Variants in LIN37 observed in about 807,000 individuals in gnomAD.
LIN37 encodes lin-37 DREAM MuvB core complex component.
LIN37 carries 21 observed loss-of-function variants against 38.0 expected under a neutral mutation model. That is an observed-to-expected ratio of 0.55 (90% CI 0.39 to 0.80). The LOEUF (loss-of-function observed/expected upper bound fraction) is 0.80, where lower values mean the gene tolerates loss of function less well. Ranked by LOEUF, LIN37 falls within the 30% of genes least tolerant of loss-of-function variation. The probability of loss-of-function intolerance (pLI) is 0.00; values close to 1 mark genes in which losing one functional copy is unlikely to be tolerated. For synonymous variants in LIN37, 126 were observed against 122.9 expected, an observed-to-expected ratio of 1.03 and a Z score of -0.17; for missense variants, 273 against 338.5, an observed-to-expected ratio of 0.81 and a Z score of 1.52.
At chr19:35,749,877 G>A (rs1970658488) in intron 1 of LIN37, among the ~76,000 whole-genome samples, 1 of 152,136 alleles carries the variant, frequency 6.6e-6, no homozygotes, top group Non-Finnish European at 1.5e-5. Flanking sequence ...AAATGATGGT[G>A]AGGGAAGGTG....
At chr19:35,751,648 G>A (rs1480965107) in intron 1 of LIN37, among the ~76,000 whole-genome samples, 1 of 151,804 alleles carries the variant, frequency 6.6e-6, no homozygotes, top group African/African-American at 2.4e-5. Context: ...GGACAACATC[G>A]TGATATCCTT....
chr19:35,754,361 GCAA>G, intron 8 of LIN37, 29 bp from the exon 9 acceptor site: 2 of 1,613,966 alleles, frequency 1.2e-6, no homozygotes, highest in Non-Finnish European at 1.7e-6. Context: ...AGGGCCCTTT[GCAA>G]CTGCTGAGTC....
intron 1 of LIN37, among the ~76,000 whole-genome samples, chr19:35,750,540 G>A (rs1970666848): frequency 6.6e-6 from 1 of 152,200 alleles, no homozygotes; most frequent in African/African-American, 2.4e-5. Flanking sequence ...GGAGGACAGC[G>A]TAACATCATC....
rs746490365 is a variant in LIN37, at chr19:35,752,236, A to G, written c.95A>G (p.Lys32Arg). ...GCTGTCTTGCAGTGTCTGCTGGAGA[A>G]GAGTCACATGGACAGGTAGGCCAGC... Reference protein sequence around the residue: ...LDAVLQCLLEKSHMDRERLDE... With the variant: ...LDAVLQCLLERSHMDRERLDE... The change falls in exon 2 of 9, where the codon AAG (lysine) becomes AGG (arginine). Residue 32 changes from lysine (K) to arginine (R), a missense_variant. Transcript: ENST00000301159. The G allele has an allele frequency of 6.2e-7, 1 of 1,607,088 alleles. No homozygotes were observed. Among genetic ancestry groups the G allele is most frequent in the Non-Finnish European group, 8.5e-7 (1 of 1,176,864 alleles).
At chr19:35,752,581 C>T (rs940267013) in intron 3 of LIN37, 97 bp downstream of exon 3, 10 of 1,383,826 alleles carry the variant, frequency 7.2e-6, no homozygotes, top group African/African-American at 1.4e-5. Context: ...CTACCTCCAT[C>T]GTGGCCCGGA....
chr19:35,748,952 A>G, intron 1 of LIN37, 194 bp downstream of exon 1: 1 of 1,463,576 alleles, frequency 6.8e-7, no homozygotes, highest in Admixed American at 2.2e-5. Flanking sequence ...TCGCTTTGAG[A>G]TTGAATGGGG....
At chr19:35,752,361 T>G (rs1002795221) in intron 2 of LIN37, 73 bp from the exon 3 acceptor site, 2 of 1,588,144 alleles carry the variant, frequency 1.3e-6, no homozygotes, top group Non-Finnish European at 1.7e-6. Context: ...AGGTGCTTAA[T>G]GGGGAGGCTG....
At chr19:35,753,593 G>A in intron 6 of LIN37, 1 of 509,284 alleles carries the variant, frequency 2.0e-6, no homozygotes, top group Admixed American at 3.2e-5. Flanking sequence ...AGGAGCAGGG[G>A]CTGGGCAGGA....
At chr19:35,752,678 A>G in intron 3 of LIN37, 126 bp from the exon 4 acceptor site, 1 of 1,385,792 alleles carries the variant, frequency 7.2e-7, no homozygotes. Flanking sequence ...TATGGGTGGG[A>G]CAAAAGGCCC....
intron 1 of LIN37, among the ~76,000 whole-genome samples, chr19:35,750,691 G>T (rs531936500): frequency 6.4e-5 from 4 of 62,316 alleles, no homozygotes; most frequent in African/African-American, 2.9e-4. Context: ...GGCTGGGTGC[G>T]GTGGCTTCTG....
chr19:35,748,786 C>G, intron 1 of LIN37, 28 bp downstream of exon 1: 1 of 1,613,544 alleles, frequency 6.2e-7, no homozygotes. Flanking sequence ...GGGGGCCTGT[C>G]GGGACCATCG....
At position 35,753,166 on chromosome 19, in the gene LIN37, C is replaced by T. The variant is rs1970704492; in HGVS notation, c.357C>T (p.Cys119=). 1.3e-6 allele frequency: 2 copies of T among 1,591,784 alleles called. No individual in the cohort carries two copies. ...AGAACACGCCACTGTACCCAATCTG[C>T]CGCGCCTGGATGCGCAACAGCCCCT... ...FSENTPLYPI[C]RAWMRNSPSV... Residue 119 remains cysteine, a synonymous_variant, in exon 6 of 9, where the codon TGC becomes TGT. Transcript: ENST00000301159.
In LIN37 at chr19:35,754,444, G is replaced by A. The variant is rs1270658764; in HGVS notation, c.711G>A (p.Lys237=). 6.2e-7 allele frequency: 1 copy of A among 1,613,930 alleles called. No individual in the cohort carries two copies. Among genetic ancestry groups the A allele is most frequent in the Non-Finnish European group, 8.5e-7 (1 of 1,179,908 alleles). ...AGCTTCGTTACTCAGAAAGCATGAA[G>A]ATCCTACGAGAGATGTACGAACGAC... ...RNQLRYSESM[K]ILREMYERQ Residue 237 remains lysine, a synonymous_variant, in exon 9 of 9, where the codon AAG becomes AAA. Coordinates refer to ENST00000301159, the MANE Select transcript of LIN37 (RefSeq NM_019104.3).
Position 35,754,431 on chromosome 19 carries a change from C to T in LIN37, c.698C>T (p.Ser233Leu), listed in dbSNP as rs757268176. The stretch of plus-strand genomic sequence containing the variant: ...TCTCATCGGAACCAGCTTCGTTACT[C>T]AGAAAGCATGAAGATCCTACGAGAG... Reference protein sequence around the residue: ...EASHRNQLRYSESMKILREMY... With the variant: ...EASHRNQLRYLESMKILREMY... The change falls in exon 9 of 9, where the codon TCA becomes TTA. Residue 233 changes from serine to leucine, a missense_variant. Physicochemically the swap from Ser to Leu is moderately radical, Grantham distance 145. Coordinates refer to ENST00000301159, the MANE Select transcript of LIN37 (RefSeq NM_019104.3). 2.5e-6 allele frequency: 4 copies of T among 1,613,934 alleles called. No homozygotes were observed. The African/African-American group carries it at 5.3e-5, about 22-fold the overall frequency.
chr19:35,751,450 G>A (rs116269909), intron 1 of LIN37, among the ~76,000 whole-genome samples: 67 of 152,314 alleles, frequency 4.4e-4, no homozygotes, highest in African/African-American at 1.6e-3. Context: ...CAAATCATCA[G>A]CTCTGCAATT....
Position 35,752,960 on chromosome 19 carries a change from A to G in LIN37, c.238A>G (p.Met80Val), listed in dbSNP as rs545882957. ...CCAGCGGAGGAAGAAGAGGAGGGAG[A>G]TGGATGATGGGCTGGCTGAGGGAGG... The part of the protein sequence containing the change: ...PHQRRKKRRE[M>V]DDGLAEGGPQ... Residue 80 changes from methionine (M) to valine (V), a missense_variant, in exon 5 of 9, where the codon ATG becomes GTG. Transcript: ENST00000301159. 20 of 1,572,982 alleles carry G rather than the reference A, an allele frequency of 1.3e-5. No individual in the cohort carries two copies. The Admixed American group carries it at 3.0e-4, about 23-fold the overall frequency.
At chr19:35,752,664 T>C (rs1000870939) in intron 3 of LIN37, 140 bp from the exon 4 acceptor site, 2 of 1,289,058 alleles carry the variant, frequency 1.6e-6, no homozygotes, top group Non-Finnish European at 2.2e-6. Context: ...TAGACCCCCA[T>C]GGGTATGGGT....
At chr19:35,750,883 C>G (rs1970673241) in intron 1 of LIN37, among the ~76,000 whole-genome samples, 1 of 151,826 alleles carries the variant, frequency 6.6e-6, no homozygotes, top group Admixed American at 6.6e-5. Flanking sequence ...ATCACTTGTA[C>G]TCAGGAGGCA....
rs1433624563 is a variant in LIN37, at chr19:35,748,788, G to A, written c.34+30G>A. On this transcript the variant is annotated intron_variant, in intron 1 of 8. Coordinates refer to ENST00000301159, the MANE Select transcript of LIN37 (RefSeq NM_019104.3). The stretch of plus-strand genomic sequence containing the variant: ...GGACCCTGACGTCGGGGGCCTGTCG[G>A]GACCATCGGGTTGACAGGGTGTGGA... 1.9e-6 allele frequency: 3 copies of A among 1,613,574 alleles called. No individual in the cohort carries two copies. In the South Asian group the frequency reaches 3.3e-5, roughly 18 times the overall value.
Sources: gnomAD v4.1 joint callset for allele counts (sites outside exome capture counted in the v4.1 genomes callset) on GRCh38, gnomAD v4.1.1 for gene constraint, MANE v1.5 for transcripts, NCBI Gene and HGNC (gene_info 2026-07-23, HGNC 2026-07-21) for gene names.